The following RAP1B variants were observed in gnomAD, a reference collection of about 807,000 sequenced individuals.
RAP1B encodes RAP1B, member of RAS oncogene family, also known as ras-related protein Rap-1b.
In RAP1B, 1 loss-of-function variant was observed where a neutral mutation model predicts 27.5. The observed-to-expected ratio is 0.04, with a 90% confidence interval of 0.01 to 0.17. The LOEUF (loss-of-function observed/expected upper bound fraction) is 0.17. Among genes scored for constraint, RAP1B ranks in the 10% least tolerant of loss-of-function variants. RAP1B has a pLI of 1.00. For missense variants in RAP1B, 84 were observed against 214.8 expected (o/e 0.39, Z 3.81); for synonymous variants, 75 against 73.1 (o/e 1.03, Z -0.13).
At chr12:68,617,382 C>T (rs764003368) in intron 1 of RAP1B, among the ~76,000 whole-genome samples, 4 of 152,156 alleles carry the variant, frequency 2.6e-5, no homozygotes, top group African/African-American at 7.2e-5. Flanking sequence ...TAGCAAAATG[C>T]AGGAATTCCT....
chr12:68,626,928 C>T lies in RAP1B; in HGVS notation c.-27+15885C>T, dbSNP rs897324974. On this transcript the variant is annotated intron_variant, in intron 1 of 7. Coordinates refer to ENST00000250559, the MANE Select transcript of RAP1B (RefSeq NM_001010942.3). ...GCCACGATTGGAAATGTACTTGACC[C>T]GACAGCCATCTGGGATGAGCCGCTT... is the stretch of plus-strand genomic sequence containing the variant. 2.8e-5 allele frequency: 43 copies of T among 1,551,612 alleles called. No homozygotes were observed. In the Admixed American group the frequency reaches 3.0e-4, roughly 11 times the overall value.
intron 5 of RAP1B, 33 bp from the exon 6 acceptor site, chr12:68,656,270 ACTT>A (rs1874198892): frequency 6.5e-7 from 1 of 1,541,958 alleles, no homozygotes; most frequent in Non-Finnish European, 8.9e-7. Context: ...TAGCATATTT[ACTT>A]ATTTATTTTT....
intron 1 of RAP1B, among the ~76,000 whole-genome samples, chr12:68,619,327 T>G (rs1218138247): frequency 6.6e-6 from 1 of 152,182 alleles, no homozygotes; most frequent in African/African-American, 2.4e-5. Context: ...GTTCCTAGAT[T>G]TTAAGCAAAA....
chr12:68,640,000 C>G (rs1872885281), intron 1 of RAP1B, among the ~76,000 whole-genome samples: 1 of 152,050 alleles, frequency 6.6e-6, no homozygotes, highest in South Asian at 2.1e-4. Context: ...ACCACCACAA[C>G]CGGCTAATTT....
intron 1 of RAP1B, among the ~76,000 whole-genome samples, chr12:68,615,649 T>TA (rs2135908817): frequency 6.6e-6 from 1 of 152,248 alleles, no homozygotes; most frequent in South Asian, 2.1e-4. Context: ...TCTTTTGAGT[T>TA]ACAAATCTGT....
intron 1 of RAP1B, among the ~76,000 whole-genome samples, chr12:68,638,634 A>AT (rs955719542): frequency 1.3e-5 from 2 of 152,064 alleles, no homozygotes; most frequent in Non-Finnish European, 1.5e-5. Flanking sequence ...AGTGCAATTT[A>AT]TTTTTTTATA....
chr12:68,621,538 G>T (rs1871386328), intron 1 of RAP1B: 1 of 152,154 alleles, frequency 6.6e-6, no homozygotes, highest in South Asian at 2.1e-4. Flanking sequence ...ACATTTCTCT[G>T]TTTAGATGAA....
At chr12:68,629,000 T>G (rs917352116) in intron 1 of RAP1B, among the ~76,000 whole-genome samples, 1 of 149,272 alleles carries the variant, frequency 6.7e-6, no homozygotes, top group African/African-American at 2.4e-5. Context: ...TTTTATTTAT[T>G]TATTTATCTT....
chr12:68,628,187 C>G (rs1477835622), intron 1 of RAP1B, among the ~76,000 whole-genome samples: 1 of 152,072 alleles, frequency 6.6e-6, no homozygotes, highest in Middle Eastern at 3.2e-3. Context: ...GACCTAGGCC[C>G]CACAAAATTA....
chr12:68,613,925 C>A (rs527791765), intron 1 of RAP1B, among the ~76,000 whole-genome samples: 25 of 152,254 alleles, frequency 1.6e-4, no homozygotes, highest in African/African-American at 5.8e-4. Flanking sequence ...TTTCTCTTAG[C>A]TGTATAAAGG....
rs528790590 is a variant in RAP1B at position 68,619,439 on chromosome 12, A to G, written c.-27+8396A>G. Among the ~76,000 whole-genome samples the G allele has an allele frequency of 3.9e-5, 6 of 152,358 alleles. No homozygotes were observed. In the South Asian group the frequency reaches 1.2e-3, roughly 32 times the overall value. On this transcript the variant is annotated intron_variant, in intron 1 of 7. Transcript: ENST00000250559. The stretch of plus-strand genomic sequence containing the variant: ...CAGTATTTCCAAATGATCAATGCAT[A>G]GTATTATAAAAATCATACATGGGTA...
rs192975085 is a variant in RAP1B at position 68,665,275 on chromosome 12, T to C, written c.*6026T>C. 4 of 152,372 alleles carry C rather than the reference T, an allele frequency of 2.6e-5. No individual in the cohort carries two copies. The highest frequency in any genetic ancestry group is 3.9e-4 in the East Asian group (2 of 5,188). 9.4% of individuals were successfully genotyped at this position (152,372 alleles called of 1,614,324 possible). A position where few individuals can be genotyped will look rare whatever the true frequency, so the allele number is the denominator to read the frequency against. On this transcript the variant is annotated 3_prime_UTR_variant, in exon 8 of 8. Transcript: ENST00000250559. ...ACAGATTTGCCAGCTGTGTGAAAGATAACCCAGAGAGGGGTAATGGTAGAG... is the reference window on the plus strand; with the variant it reads ...ACAGATTTGCCAGCTGTGTGAAAGACAACCCAGAGAGGGGTAATGGTAGAG...
At chr12:68,655,725 AG>A (rs1874158307) in intron 5 of RAP1B, among the ~76,000 whole-genome samples, 1 of 152,016 alleles carries the variant, frequency 6.6e-6, no homozygotes, top group Non-Finnish European at 1.5e-5. Flanking sequence ...TAGTAGAAAC[AG>A]GGTTTCGCCA....
At chr12:68,623,969 C>T (rs1349432255) in intron 1 of RAP1B, among the ~76,000 whole-genome samples, 2 of 150,910 alleles carry the variant, frequency 1.3e-5, no homozygotes, top group Admixed American at 6.6e-5. Flanking sequence ...TGCAGTGAGC[C>T]GAGATTGCGC....
intron 1 of RAP1B, among the ~76,000 whole-genome samples, chr12:68,642,126 TA>T (rs1263232588): frequency 6.6e-6 from 1 of 152,194 alleles, no homozygotes; most frequent in African/African-American, 2.4e-5. Context: ...ATTCATAGAC[TA>T]AAGATGAATA....
At chr12:68,625,816 G>A (rs913701918) in intron 1 of RAP1B, among the ~76,000 whole-genome samples, 2 of 152,080 alleles carry the variant, frequency 1.3e-5, no homozygotes, top group South Asian at 4.2e-4. Flanking sequence ...TAGCTACTCG[G>A]GAGGCTGAGG....
intron 1 of RAP1B, among the ~76,000 whole-genome samples, chr12:68,641,477 A>G (rs1262227695): frequency 1.3e-5 from 2 of 152,250 alleles, no homozygotes; most frequent in East Asian, 1.9e-4. Context: ...AATGCAAATA[A>G]AACTACGGTC....
Position 68,660,852 on chromosome 12 carries a change from C to T in RAP1B, c.*1603C>T, listed in dbSNP as rs1383502761. The T allele has an allele frequency of 6.6e-6, 1 of 152,100 alleles. No individual in the cohort carries two copies. Among genetic ancestry groups the T allele is most frequent in the Non-Finnish European group, 1.5e-5 (1 of 68,010 alleles). 9.4% of individuals were successfully genotyped at this position (152,100 alleles called of 1,614,324 possible). A position where few individuals can be genotyped will look rare whatever the true frequency, so the allele number is the denominator to read the frequency against. The stretch of plus-strand genomic sequence containing the variant: ...AAAGAGGAACGATTTAACATACTTT[C>T]ATGGATGTTACACTATGGATTTTTT... On this transcript the variant is annotated 3_prime_UTR_variant, in exon 8 of 8. Transcript: ENST00000250559.
At chr12:68,634,849 G>C (rs1358028855) in intron 1 of RAP1B, among the ~76,000 whole-genome samples, 1 of 152,164 alleles carries the variant, frequency 6.6e-6, no homozygotes, top group African/African-American at 2.4e-5. Context: ...ATATTTCAGG[G>C]AGAAAGTTGG....
Sources: gnomAD v4.1 joint callset for allele counts (sites outside exome capture counted in the v4.1 genomes callset) on GRCh38, gnomAD v4.1.1 for gene constraint, MANE v1.5 for transcripts, NCBI Gene and HGNC (gene_info 2026-07-23, HGNC 2026-07-21) for gene names.